Variants in ROBO2 observed in about 807,000 individuals in gnomAD.
ROBO2 encodes roundabout homolog 2.
Under a neutral mutation model 160.8 loss-of-function variants are expected in ROBO2, and 53 were observed. The ratio of observed to expected loss-of-function variants is 0.33; its 90% confidence interval spans 0.26 to 0.41. The LOEUF (loss-of-function observed/expected upper bound fraction) is 0.41. Among genes scored for constraint, ROBO2 ranks in the 10% least tolerant of loss-of-function variants. ROBO2 has a pLI of 1.00. For synonymous variants in ROBO2, 664 were observed against 611.7 expected, an observed-to-expected ratio of 1.09 and a Z score of -1.26; for missense variants, 1,577 against 1,722.4, an observed-to-expected ratio of 0.92 and a Z score of 1.49.
intron 2 of ROBO2, among the ~76,000 whole-genome samples, chr3:76,324,553 T>G (rs959032484): frequency 6.6e-6 from 1 of 152,204 alleles, no homozygotes; most frequent in Admixed American, 6.5e-5. Context: ...ATAGCATGTT[T>G]GCTATGGGTT....
chr3:77,022,697 C>T lies in ROBO2; in HGVS notation c.110-75317C>T, dbSNP rs183247250. Among the ~76,000 whole-genome samples the T allele has an allele frequency of 5.4e-3, 822 of 152,178 alleles. 4 individuals carry two copies. The highest frequency in any genetic ancestry group is 0.01 in the Middle Eastern group (3 of 294). ...CATGTCTTTTTCATAGGAGTGTTAGCGTTGACACTCATGATGGGTAAGGAA... is the reference window on the plus strand; with the variant it reads ...CATGTCTTTTTCATAGGAGTGTTAGTGTTGACACTCATGATGGGTAAGGAA... On this transcript the variant is annotated intron_variant, in intron 2 of 26. Coordinates refer to the ROBO2 transcript ENST00000487694.
intron 2 of ROBO2, among the ~76,000 whole-genome samples, chr3:77,177,256 G>A (rs188059691): frequency 1.5e-4 from 23 of 151,888 alleles, no homozygotes; most frequent in Admixed American, 1.2e-3. Flanking sequence ...TAGGCAAGTC[G>A]GAAACATACT....
intron 24 of ROBO2, 103 bp from the exon 27 acceptor site, chr3:77,644,601 A>G (rs917520504): frequency 5.0e-6 from 5 of 1,004,738 alleles, no homozygotes; most frequent in Non-Finnish European, 7.7e-6. Flanking sequence ...TTAAAGAATG[A>G]AATGGTAAAG....
rs547568450 is a variant in ROBO2 at position 76,369,717 on chromosome 3, GC to G, written c.109+432116del. On this transcript the variant is annotated intron_variant, in intron 2 of 26. Transcript: ENST00000487694. ...CTCCTTGTCCTTTTGCAACTCTCCA[GC>G]TACTTATACCCCTTAAATAACAAAG... Among the ~76,000 whole-genome samples the G allele has an allele frequency of 4.6e-5, 7 of 151,924 alleles. No homozygotes were observed. In the East Asian group the frequency reaches 1.4e-3, roughly 30 times the overall value.
At chr3:76,878,601 G>C (rs1249642835) in intron 2 of ROBO2, among the ~76,000 whole-genome samples, 1 of 151,778 alleles carries the variant, frequency 6.6e-6, no homozygotes, top group African/African-American at 2.4e-5. Context: ...TATGAAAATT[G>C]TGTACCAAGA....
chr3:76,146,698 G>T (rs940823783), intron 2 of ROBO2, among the ~76,000 whole-genome samples: 17 of 43,588 alleles, frequency 3.9e-4, no homozygotes, highest in Non-Finnish European at 7.6e-4. Flanking sequence ...ATTACATAGG[G>T]TGTGTGTGTG....
intron 2 of ROBO2, among the ~76,000 whole-genome samples, chr3:76,814,390 T>C: frequency 6.6e-6 from 1 of 152,144 alleles, no homozygotes; most frequent in East Asian, 1.9e-4. Context: ...TTGTCTCCAC[T>C]TTCCAAAAGG....
intron 2 of ROBO2, among the ~76,000 whole-genome samples, chr3:77,467,439 G>A (rs1329011303): frequency 4.6e-5 from 7 of 152,142 alleles, no homozygotes; most frequent in South Asian, 4.1e-4. Flanking sequence ...GTACCTAGCA[G>A]CCTAACTACT....
At chr3:77,247,880 G>A (rs2089912382) in intron 2 of ROBO2, among the ~76,000 whole-genome samples, 1 of 152,180 alleles carries the variant, frequency 6.6e-6, no homozygotes, top group African/African-American at 2.4e-5. Context: ...ATCCTGGGCA[G>A]AAGACAGTGG....
chr3:76,782,697 C>T (rs2062726381), intron 2 of ROBO2, among the ~76,000 whole-genome samples: 2 of 150,716 alleles, frequency 1.3e-5, no homozygotes, highest in African/African-American at 4.8e-5. Flanking sequence ...ATATAACCAA[C>T]TCTGCTCTGT....
At chr3:77,003,070 C>G (rs2061409220) in intron 2 of ROBO2, among the ~76,000 whole-genome samples, 1 of 152,116 alleles carries the variant, frequency 6.6e-6, no homozygotes, top group Non-Finnish European at 1.5e-5. Context: ...GTTTTTATCT[C>G]TATACAGTTT....
intron 2 of ROBO2, among the ~76,000 whole-genome samples, chr3:76,998,656 G>A (rs904127162): frequency 6.6e-6 from 1 of 152,154 alleles, no homozygotes; most frequent in Non-Finnish European, 1.5e-5. Flanking sequence ...AAGTTATACA[G>A]GTAATTGAGT....
chr3:77,300,356 T>G (rs372068554), intron 2 of ROBO2, among the ~76,000 whole-genome samples: 1 of 152,028 alleles, frequency 6.6e-6, no homozygotes, highest in Non-Finnish European at 1.5e-5. Context: ...CAATAGTACC[T>G]TAAGATTCAG....
chr3:76,214,416 A>G (rs1353743195), intron 2 of ROBO2, among the ~76,000 whole-genome samples: 1 of 152,168 alleles, frequency 6.6e-6, no homozygotes, highest in Non-Finnish European at 1.5e-5. Context: ...TTCCTAGTGA[A>G]AGAAAGGGGT....
intron 2 of ROBO2, among the ~76,000 whole-genome samples, chr3:76,485,202 G>A (rs1326471947): frequency 2.0e-5 from 3 of 151,800 alleles, no homozygotes; most frequent in Admixed American, 6.6e-5. Context: ...ACAATCAGTC[G>A]GAGCCCTGAG....
At chr3:77,114,663 A>G (rs1009547584) in intron 2 of ROBO2, among the ~76,000 whole-genome samples, 3 of 152,198 alleles carry the variant, frequency 2.0e-5, no homozygotes, top group African/African-American at 7.2e-5. Flanking sequence ...CACACCTTGT[A>G]CCAGTACTTC....
At chr3:77,040,505 C>T in exon 1 of ROBO2, 1 of 1,326,538 alleles carries the variant, frequency 7.5e-7, no homozygotes, top group Non-Finnish European at 9.7e-7. Flanking sequence ...CTCGAATAAT[C>T]CCTCTGGCTG....
At chr3:76,554,687 A>G (rs1301634567) in intron 2 of ROBO2, among the ~76,000 whole-genome samples, 1 of 151,988 alleles carries the variant, frequency 6.6e-6, no homozygotes, top group Non-Finnish European at 1.5e-5. Flanking sequence ...ATCGACAACC[A>G]TGTAGGGAAA....
chr3:77,219,456 A>G (rs1438768167), intron 2 of ROBO2, among the ~76,000 whole-genome samples: 8 of 129,478 alleles, frequency 6.2e-5, no homozygotes, highest in African/African-American at 2.9e-5. Flanking sequence ...ATATATATAT[A>G]TATGTATCTG....
Sources: allele counts gnomAD v4.1 joint callset (sites outside exome capture counted in the v4.1 genomes callset), GRCh38; gene constraint gnomAD v4.1.1; transcripts MANE v1.5; gene names NCBI Gene and HGNC (gene_info 2026-07-23, HGNC 2026-07-21).